Variants in SLC36A1 observed in about 807,000 individuals in gnomAD.
The protein encoded by SLC36A1 is solute carrier family 36 member 1.
A neutral mutation model predicts 47.5 loss-of-function variants in SLC36A1; 30 were observed. The observed-to-expected ratio is 0.63, with a 90% CI of 0.47 to 0.86. The LOEUF (loss-of-function observed/expected upper bound fraction) is 0.86, where lower values mean the gene tolerates loss of function less well. Among genes scored for constraint, SLC36A1 ranks in the 40% least tolerant of loss-of-function variants. SLC36A1 has a pLI of 0.00. For synonymous variants in SLC36A1, 255 were observed against 249.7 expected (o/e 1.02, Z -0.20); for missense variants, 517 against 606.0 (o/e 0.85, Z 1.54).
chr5:151,460,224 A>C (rs1377132684), intron 2 of SLC36A1, among the ~76,000 whole-genome samples: 1 of 152,182 alleles, frequency 6.6e-6, no homozygotes, highest in African/African-American at 2.4e-5. Context: ...TGTTATCGTA[A>C]GATACTTCTA....
the SLC36A1 span, chr5:151,510,099 G>A: frequency 1.2e-6 from 2 of 1,614,054 alleles, no homozygotes; most frequent in African/African-American, 1.3e-5. Context: ...TTCCAGGCAG[G>A]GTGCAAAAGT....
At chr5:151,512,298 A>G in the SLC36A1 span, 1 of 1,614,190 alleles carries the variant, frequency 6.2e-7, no homozygotes, top group Non-Finnish European at 8.5e-7. This position sits in a 1 kb window ranked among gnomAD's most constrained non-coding sequence, Gnocchi z 4.1. Flanking sequence ...GGGCCAGCAG[A>G]TCTAGAGCCT....
At chr5:151,482,365 C>T (rs1464696274) in intron 10 of SLC36A1, among the ~76,000 whole-genome samples, 1 of 152,104 alleles carries the variant, frequency 6.6e-6, no homozygotes, top group Non-Finnish European at 1.5e-5. Context: ...TAAGGTTTCT[C>T]TCAACTCCAA....
chr5:151,345,553 G>A, the SLC36A1 span, among the ~76,000 whole-genome samples: 26 of 152,254 alleles, frequency 1.7e-4, no homozygotes, highest in African/African-American at 6.0e-4. Flanking sequence ...ACAATCGAGG[G>A]AGAAAGGGGG....
the SLC36A1 span, among the ~76,000 whole-genome samples, chr5:151,518,374 A>AATTATTATTATTATTATTATT: frequency 6.8e-6 from 1 of 147,392 alleles, no homozygotes; most frequent in Non-Finnish European, 1.5e-5. Context: ...TAATAATAAT[A>AATTATTATTATTATTATTATT]ATTTTTAAAA....
At chr5:151,351,330 C>T in the SLC36A1 span, among the ~76,000 whole-genome samples, 7 of 151,048 alleles carry the variant, frequency 4.6e-5, no homozygotes, top group African/African-American at 1.7e-4. Flanking sequence ...TGCAGTGAGA[C>T]GAGATCGCAC....
rs116394857 is a variant in SLC36A1, at chr5:151,455,017, C to T, written c.-5-3771C>T. On this transcript the variant is annotated intron_variant, in intron 1 of 10. Transcript: ENST00000243389. ...CCCCTCTTGATCCTAGTTCTGACCCCTGGATATACCACAATTTGTCATTAT... is the reference window on the plus strand; with the variant it reads ...CCCCTCTTGATCCTAGTTCTGACCCTTGGATATACCACAATTTGTCATTAT... 2.1e-3 allele frequency among the ~76,000 whole-genome samples: 315 copies of T among 152,264 alleles called. 1 individual carries two copies. Among genetic ancestry groups the T allele is most frequent in the African/African-American group, 7.1e-3 (295 of 41,554 alleles).
the SLC36A1 span, chr5:151,512,670 C>A: frequency 2.1e-6 from 3 of 1,398,894 alleles, no homozygotes; most frequent in Non-Finnish European, 2.9e-6. The surrounding 1 kb of genome is among the most constrained non-coding windows in gnomAD (Gnocchi z 4.1). Flanking sequence ...TGCTAAGAGG[C>A]TGCCAGTTCA....
the SLC36A1 span, chr5:151,545,795 T>C: frequency 6.2e-7 from 1 of 1,614,248 alleles, no homozygotes; most frequent in East Asian, 2.2e-5. Context: ...TTTTTATCCA[T>C]GATCATGCTA....
At chr5:151,414,221 C>A in the SLC36A1 span, among the ~76,000 whole-genome samples, 1 of 143,752 alleles carries the variant, frequency 7.0e-6, no homozygotes, top group East Asian at 1.9e-4. Flanking sequence ...GGAACGATAC[C>A]CAGAGGAGGT....
the SLC36A1 span, among the ~76,000 whole-genome samples, chr5:151,354,794 A>G: frequency 6.6e-6 from 1 of 152,188 alleles, no homozygotes. Context: ...TGAACCAATC[A>G]TTGTGACCCT....
the SLC36A1 span, among the ~76,000 whole-genome samples, chr5:151,389,934 A>G: frequency 1.3e-5 from 2 of 152,082 alleles, no homozygotes; most frequent in Admixed American, 6.5e-5. Context: ...CAGTAATGGG[A>G]TGGCTGGATC....
chr5:151,555,334 G>GC, the SLC36A1 span, among the ~76,000 whole-genome samples: 2 of 151,316 alleles, frequency 1.3e-5, no homozygotes, highest in African/African-American at 4.9e-5. Context: ...ATTCTAGAAG[G>GC]CCATTTAGCT....
At chr5:151,531,952 A>G in the SLC36A1 span, 15 of 1,614,044 alleles carry the variant, frequency 9.3e-6, no homozygotes, top group Non-Finnish European at 1.3e-5. The surrounding 1 kb of genome is among the most constrained non-coding windows in gnomAD (Gnocchi z 5.7). Flanking sequence ...CAGAGAGTAA[A>G]CCACCTGGGC....
At chr5:151,550,563 T>C in the SLC36A1 span, 31 of 1,612,618 alleles carry the variant, frequency 1.9e-5, no homozygotes, top group South Asian at 3.1e-4. Flanking sequence ...GCAAACGTAT[T>C]CTCACCAGAT....
chr5:151,425,785 A>G, the SLC36A1 span, among the ~76,000 whole-genome samples: 1 of 152,238 alleles, frequency 6.6e-6, no homozygotes, highest in Non-Finnish European at 1.5e-5. Context: ...AAATAGATAC[A>G]TAGTTTACCA....
At chr5:151,441,907 A>G (rs755229810) in intron 1 of SLC36A1, among the ~76,000 whole-genome samples, 27 of 152,156 alleles carry the variant, frequency 1.8e-4, no homozygotes, top group African/African-American at 2.9e-4. Flanking sequence ...AAATTTCCTC[A>G]TGCCGCTTTA....
rs1393286948 is a variant in SLC36A1, at chr5:151,488,272, T to C, written c.*18T>C. 6.2e-7 allele frequency: 1 copy of C among 1,611,320 alleles called. No homozygotes were observed. The highest frequency in any genetic ancestry group is 1.7e-5 in the Admixed American group (1 of 59,890). ...TCATATAGGGATCTGGGTTCGTCTC[T>C]GCAGCTGCCTACCCCTGCCCCATGT... is the stretch of plus-strand genomic sequence containing the variant. On this transcript the variant is annotated 3_prime_UTR_variant, in exon 11 of 11. Transcript: ENST00000243389.
Position 151,458,890 on chromosome 5 carries a change from C to T in SLC36A1, c.98C>T (p.Ser33Phe), listed in dbSNP as rs1396419784. The T allele has an allele frequency of 3.1e-6, 5 of 1,613,988 alleles. No individual in the cohort carries two copies. The highest frequency in any genetic ancestry group is 4.2e-6 in the Non-Finnish European group (5 of 1,179,980). ...CCGTCGGAAGGCCTCAACAACCTCT[C>T]CTCCCCGGGCTCCTACCAGCGCTTT... Reference protein sequence around the residue: ...ESPSEGLNNLSSPGSYQRFGQ... With the variant: ...ESPSEGLNNLFSPGSYQRFGQ... Residue 33 changes from serine to phenylalanine, a missense_variant, in exon 2 of 11, where the codon TCC becomes TTC. Transcript: ENST00000243389.
Sources: allele counts gnomAD v4.1 joint callset (sites outside exome capture counted in the v4.1 genomes callset), GRCh38; gene constraint gnomAD v4.1.1; non-coding constraint Gnocchi (gnomAD v3.1); transcripts MANE v1.5; gene names NCBI Gene and HGNC (gene_info 2026-07-23, HGNC 2026-07-21).